The following PDLIM5 variants were observed in gnomAD, a reference collection of about 807,000 sequenced individuals.
PDLIM5 encodes the protein PDZ and LIM domain 5, also known as PDZ and LIM domain protein 5.
In PDLIM5, 34 loss-of-function variants were observed where a neutral mutation model predicts 64.2. That is an observed-to-expected ratio of 0.53 (90% CI 0.40 to 0.71). PDLIM5 has a LOEUF of 0.71. Ranked by LOEUF, PDLIM5 falls within the 30% of genes least tolerant of loss-of-function variation. The pLI, the probability that PDLIM5 is intolerant of heterozygous loss-of-function variation, is 0.00. For synonymous variants in PDLIM5, 253 were observed against 269.1 expected (o/e 0.94, Z 0.59); for missense variants, 683 against 733.6 (o/e 0.93, Z 0.80).
At chr4:94,487,486 G>T (rs949934989) in intron 2 of PDLIM5, among the ~76,000 whole-genome samples, 1 of 152,168 alleles carries the variant, frequency 6.6e-6, no homozygotes, top group Non-Finnish European at 1.5e-5. Context: ...TTTACAATTA[G>T]GTTTCTGTGT....
At chr4:94,503,339 A>T (rs1210288934) in intron 2 of PDLIM5, among the ~76,000 whole-genome samples, 2 of 152,190 alleles carry the variant, frequency 1.3e-5, no homozygotes, top group Non-Finnish European at 2.9e-5. Context: ...TTGGATACTG[A>T]ATATTAATTC....
Position 94,467,272 on chromosome 4 carries a change from A to C in PDLIM5, c.96+11888A>C, listed in dbSNP as rs577819756. The stretch of plus-strand genomic sequence containing the variant: ...TTGCCATTGCAATCAAGTTTCTTCT[A>C]GATTTGTTAATGTACCTGATTGATA... On this transcript the variant is annotated intron_variant, in intron 2 of 12. Transcript: ENST00000317968. Among the ~76,000 whole-genome samples, 20 of 152,056 alleles carry C rather than the reference A, an allele frequency of 1.3e-4. 1 individual carries two copies. In the South Asian group the frequency reaches 3.9e-3, roughly 30 times the overall value.
chr4:94,512,398 G>C (rs1728968869), intron 2 of PDLIM5, among the ~76,000 whole-genome samples: 1 of 152,140 alleles, frequency 6.6e-6, no homozygotes, highest in African/African-American at 2.4e-5. Flanking sequence ...CACCAACAGT[G>C]TACAAGGGTT....
chr4:94,650,506 T>C (rs530483989), intron 9 of PDLIM5, among the ~76,000 whole-genome samples: 1 of 152,210 alleles, frequency 6.6e-6, no homozygotes, highest in East Asian at 1.9e-4. Context: ...TAAAATCTGT[T>C]GTGGTTGGGC....
At chr4:94,635,029 G>C (rs999499031) in intron 8 of PDLIM5, among the ~76,000 whole-genome samples, 15 of 152,084 alleles carry the variant, frequency 9.9e-5, no homozygotes, top group African/African-American at 3.6e-4. Flanking sequence ...TCTTAGGTTT[G>C]ACTATCAGTG....
chr4:94,533,164 A>G (rs990011567), intron 3 of PDLIM5, among the ~76,000 whole-genome samples: 2 of 152,218 alleles, frequency 1.3e-5, no homozygotes, highest in African/African-American at 4.8e-5. Context: ...ATTGTTGGAA[A>G]TGGACTTGAA....
At chr4:94,571,431 G>A (rs757150849) in intron 3 of PDLIM5, among the ~76,000 whole-genome samples, 6 of 152,270 alleles carry the variant, frequency 3.9e-5, no homozygotes, top group Admixed American at 2.0e-4. Context: ...TATCACCGTC[G>A]TGGCTTACTC....
chr4:94,530,257 C>T (rs987579982), intron 3 of PDLIM5, among the ~76,000 whole-genome samples: 1 of 152,002 alleles, frequency 6.6e-6, no homozygotes, highest in Non-Finnish European at 1.5e-5. Context: ...GATAAGTTCC[C>T]TAGAGCTTGC....
intron 5 of PDLIM5, among the ~76,000 whole-genome samples, chr4:94,583,509 G>A (rs1735910637): frequency 6.6e-6 from 1 of 152,120 alleles, no homozygotes; most frequent in Admixed American, 6.6e-5. Context: ...AATTTTTCAA[G>A]GACTTGCATA....
At chr4:94,504,636 A>G (rs1728232715) in intron 2 of PDLIM5, among the ~76,000 whole-genome samples, 1 of 152,136 alleles carries the variant, frequency 6.6e-6, no homozygotes, top group South Asian at 2.1e-4. Context: ...GAAATTGTGT[A>G]ATGGTGCTCT....
At chr4:94,615,109 C>A (rs1738671987) in intron 7 of PDLIM5, among the ~76,000 whole-genome samples, 1 of 152,088 alleles carries the variant, frequency 6.6e-6, no homozygotes, top group African/African-American at 2.4e-5. Flanking sequence ...TTATTTAATT[C>A]TTAACAGTAA....
rs191723621 is a variant in PDLIM5 at position 94,579,651 on chromosome 4, A to G, written c.710+3617A>G. ...ATTTTGCAAAAGAGCTGTAATTTAG[A>G]ATAACCACATTTAGTATTTTCAGTA... On this transcript the variant is annotated intron_variant, in intron 5 of 12. Coordinates refer to ENST00000317968, the MANE Select transcript of PDLIM5 (RefSeq NM_006457.5). The G allele has an allele frequency of 6.4e-5, 30 of 472,274 alleles. No homozygotes were observed. In the Admixed American group the frequency reaches 1.1e-3, roughly 18 times the overall value. The allele number at this position is 472,274 out of a possible 1,614,324, so 29.3% of individuals were successfully genotyped here. A position where few individuals can be genotyped will look rare whatever the true frequency, so the allele number is the denominator to read the frequency against.
intron 3 of PDLIM5, among the ~76,000 whole-genome samples, chr4:94,537,063 G>A (rs76558562): frequency 1.7e-4 from 26 of 152,164 alleles, no homozygotes; most frequent in East Asian, 7.7e-4. Context: ...TTTACCTGCC[G>A]TGATCCCTGT....
chr4:94,464,333 T>C (rs1724157508), intron 2 of PDLIM5, among the ~76,000 whole-genome samples: 1 of 152,220 alleles, frequency 6.6e-6, no homozygotes. Context: ...TAATGCTGTT[T>C]ACCATTGATT....
intron 2 of PDLIM5, among the ~76,000 whole-genome samples, chr4:94,463,800 G>C (rs990221594): frequency 2.6e-5 from 4 of 152,322 alleles, no homozygotes; most frequent in African/African-American, 7.2e-5. Context: ...TGACCATTAT[G>C]AGGTGTTCAC....
At chr4:94,599,062 G>A (rs1035518936) in intron 7 of PDLIM5, among the ~76,000 whole-genome samples, 1 of 152,166 alleles carries the variant, frequency 6.6e-6, no homozygotes, top group African/African-American at 2.4e-5. Flanking sequence ...CTTGTAGGTT[G>A]TGTTAAGGAG....
At chr4:94,455,899 A>T in intron 2 of PDLIM5, 2 of 1,433,474 alleles carry the variant, frequency 1.4e-6, no homozygotes, top group African/African-American at 1.4e-5. Flanking sequence ...AAGGGCTTGG[A>T]GCTCCAACTA....
At chr4:94,511,207 T>C (rs899197647) in intron 2 of PDLIM5, among the ~76,000 whole-genome samples, 4 of 152,228 alleles carry the variant, frequency 2.6e-5, no homozygotes, top group Non-Finnish European at 5.9e-5. Context: ...GCATGGGCTG[T>C]CAGGCACTTT....
intron 8 of PDLIM5, among the ~76,000 whole-genome samples, chr4:94,630,898 T>C (rs1356720992): frequency 1.3e-5 from 2 of 152,252 alleles, no homozygotes; most frequent in East Asian, 3.9e-4. Flanking sequence ...TTAAGCCTGT[T>C]TGTCCTTAGC....
Sources: allele counts gnomAD v4.1 joint callset (sites outside exome capture counted in the v4.1 genomes callset), GRCh38; gene constraint gnomAD v4.1.1; transcripts MANE v1.5; gene names NCBI Gene and HGNC (gene_info 2026-07-23, HGNC 2026-07-21).